TNIK: variants seen among roughly 807,000 people sequenced by gnomAD.
TNIK encodes the protein TRAF2 and NCK-interacting protein kinase.
TNIK carries 49 observed loss-of-function variants against 191.3 expected under a neutral mutation model. The observed-to-expected ratio is 0.26, with a 90% CI of 0.20 to 0.32. TNIK has a LOEUF of 0.32. Among genes scored for constraint, TNIK ranks in the 10% least tolerant of loss-of-function variants. The pLI, the probability that TNIK is intolerant of heterozygous loss-of-function variation, is 1.00. For missense variants in TNIK, 1,155 were observed against 1,702.3 expected (o/e 0.68, Z 5.66); for synonymous variants, 594 against 600.9 (o/e 0.99, Z 0.17).
intron 1 of TNIK, among the ~76,000 whole-genome samples, chr3:171,396,611 C>G (rs1720283092): frequency 6.6e-6 from 1 of 152,138 alleles, no homozygotes; most frequent in Admixed American, 6.5e-5. Context: ...CCTATTCAGC[C>G]AACAGCAGGC....
intron 2 of TNIK, among the ~76,000 whole-genome samples, chr3:171,350,288 C>T (rs1712928258): frequency 6.6e-6 from 1 of 152,034 alleles, no homozygotes; most frequent in South Asian, 2.1e-4. Flanking sequence ...AGCTGGTAGC[C>T]AAGAACAAAC....
intron 2 of TNIK, 117 bp from the exon 3 acceptor site, chr3:171,228,338 G>C: frequency 1.1e-6 from 1 of 948,054 alleles, no homozygotes; most frequent in African/African-American, 1.6e-5. Context: ...TGGGGGGAGA[G>C]AGAAAGACAG....
At chr3:171,326,842 T>C (rs1755823446) in intron 2 of TNIK, among the ~76,000 whole-genome samples, 1 of 152,216 alleles carries the variant, frequency 6.6e-6, no homozygotes, top group Non-Finnish European at 1.5e-5. Flanking sequence ...AAACTACCTC[T>C]GCCCTTGAGG....
intron 1 of TNIK, among the ~76,000 whole-genome samples, chr3:171,386,476 C>T (rs1718752564): frequency 6.6e-6 from 1 of 152,190 alleles, no homozygotes; most frequent in South Asian, 2.1e-4. Flanking sequence ...GGAGGTTTCT[C>T]AGTCAGTCCA....
chr3:171,183,782 G>A (rs865875109), intron 7 of TNIK, among the ~76,000 whole-genome samples: 8 of 151,986 alleles, frequency 5.3e-5, no homozygotes, highest in Admixed American at 3.3e-4. Context: ...TTCACTGGGC[G>A]TGGTGGCGGG....
At chr3:171,224,932 C>T (rs1742792108) in intron 3 of TNIK, among the ~76,000 whole-genome samples, 1 of 152,076 alleles carries the variant, frequency 6.6e-6, no homozygotes, top group South Asian at 2.1e-4. Flanking sequence ...AGGATATAAG[C>T]ATTATATCCA....
At chr3:171,449,232 C>T (rs1159913703) in intron 1 of TNIK, among the ~76,000 whole-genome samples, 2 of 151,956 alleles carry the variant, frequency 1.3e-5, no homozygotes, top group African/African-American at 4.8e-5. Flanking sequence ...TGTGCCTTTA[C>T]AGTAGAATGA....
chr3:171,266,760 T>G (rs1748450826), intron 2 of TNIK, among the ~76,000 whole-genome samples: 1 of 152,180 alleles, frequency 6.6e-6, no homozygotes, highest in African/African-American at 2.4e-5. Flanking sequence ...TTGAAAACAC[T>G]TCCTTCCTCT....
chr3:171,108,114 T>A lies in TNIK; in HGVS notation c.2333A>T (p.Lys778Met), dbSNP rs1198057047. Residue 778 changes from lysine to methionine, a missense_variant, in exon 20 of 33, where the codon AAG (lysine) becomes ATG (methionine). Around this residue, in one of 3 missense-constraint regions of TNIK, gnomAD observed 735 missense variants for 848.0 expected, o/e 0.87. Transcript: ENST00000436636. The part of the protein sequence containing the change: ...GSPVLPHEPA[K>M]VKPEESRDIT... The stretch of plus-strand genomic sequence containing the variant: ...GTCCCTGGATTCTTCTGGTTTCACC[T>A]TCGCAGGCTCATGGGGGAGCACAGG... The A allele has an allele frequency of 1.3e-6, 2 of 1,579,272 alleles. No individual in the cohort carries two copies. The highest frequency in any genetic ancestry group is 2.3e-5 in the East Asian group (1 of 43,404).
At chr3:171,147,515 C>G (rs1322357883) in intron 12 of TNIK, among the ~76,000 whole-genome samples, 2 of 152,170 alleles carry the variant, frequency 1.3e-5, no homozygotes, top group African/African-American at 4.8e-5. Context: ...TTCCTTGTGA[C>G]TAAAACTGGA....
intron 2 of TNIK, among the ~76,000 whole-genome samples, chr3:171,257,884 C>T (rs1747077010): frequency 6.6e-6 from 1 of 152,178 alleles, no homozygotes; most frequent in African/African-American, 2.4e-5. Flanking sequence ...CAAAATCCCT[C>T]AATATCAAAC....
At chr3:171,458,034 A>T (rs572506082) in intron 1 of TNIK, among the ~76,000 whole-genome samples, 1 of 152,088 alleles carries the variant, frequency 6.6e-6, no homozygotes, top group African/African-American at 2.4e-5. Context: ...TCCCGGCCCA[A>T]CTTAAAATCA....
intron 28 of TNIK, among the ~76,000 whole-genome samples, chr3:171,078,253 C>T (rs1720238472): frequency 6.6e-6 from 1 of 151,930 alleles, no homozygotes. Flanking sequence ...TATATTCTTT[C>T]TTCAATACTT....
intron 18 of TNIK, among the ~76,000 whole-genome samples, chr3:171,118,016 A>G (rs894929534): frequency 7.2e-5 from 11 of 152,296 alleles, no homozygotes; most frequent in African/African-American, 2.6e-4. Flanking sequence ...CTGTTTGCAG[A>G]TGACATGATT....
chr3:171,453,502 G>A (rs1465252320), intron 1 of TNIK, among the ~76,000 whole-genome samples: 1 of 152,174 alleles, frequency 6.6e-6, no homozygotes, highest in Non-Finnish European at 1.5e-5. Context: ...CTCGGTGGGA[G>A]GCCCCTCTGA....
At chr3:171,212,235 C>G (rs1341518815) in intron 3 of TNIK, among the ~76,000 whole-genome samples, 1 of 152,086 alleles carries the variant, frequency 6.6e-6, no homozygotes, top group African/African-American at 2.4e-5. Context: ...ACTGGGACTT[C>G]CTGCAGTCTC....
At chr3:171,329,023 T>C (rs978861373) in intron 2 of TNIK, among the ~76,000 whole-genome samples, 2 of 152,220 alleles carry the variant, frequency 1.3e-5, no homozygotes, top group African/African-American at 4.8e-5. Flanking sequence ...ACTTTCCTTA[T>C]GAAATTTCTG....
chr3:171,157,243 C>T (rs1360296866), intron 12 of TNIK, among the ~76,000 whole-genome samples: 1 of 152,170 alleles, frequency 6.6e-6, no homozygotes, highest in Non-Finnish European at 1.5e-5. Flanking sequence ...GGGGTGACGG[C>T]CTTCACCTGC....
At chr3:171,269,150 G>GA (rs924808179) in intron 2 of TNIK, among the ~76,000 whole-genome samples, 1 of 152,038 alleles carries the variant, frequency 6.6e-6, no homozygotes, top group African/African-American at 2.4e-5. Flanking sequence ...TTGGCTACTT[G>GA]AAAAAAATCA....
Sources: allele counts gnomAD v4.1 joint callset (sites outside exome capture counted in the v4.1 genomes callset), GRCh38; gene constraint gnomAD v4.1.1; regional missense constraint gnomAD v4.1.1; transcripts MANE v1.5; gene names NCBI Gene and HGNC (gene_info 2026-07-23, HGNC 2026-07-21).